Variants in TRIM6 observed in about 807,000 individuals in gnomAD.
TRIM6 encodes tripartite motif containing 6.
A neutral mutation model predicts 51.2 loss-of-function variants in TRIM6; 43 were observed. The observed-to-expected ratio is 0.84, with a 90% CI of 0.66 to 1.08. The LOEUF (loss-of-function observed/expected upper bound fraction) is 1.08, where lower values mean the gene tolerates loss of function less well. Among genes scored for constraint, TRIM6 ranks in the 50% least tolerant of loss-of-function variants. The pLI is 0.00. For missense variants in TRIM6, 669 were observed against 619.0 expected, an observed-to-expected ratio of 1.08 and a Z score of -0.86; for synonymous variants, 215 against 232.4, an observed-to-expected ratio of 0.93 and a Z score of 0.68.
Position 5,605,458 on chromosome 11 carries a change from G to A in TRIM6, c.725G>A (p.Arg242Gln), listed in dbSNP as rs748523660. 1.3e-5 allele frequency: 21 copies of A among 1,614,074 alleles called. No individual in the cohort carries two copies. The highest frequency in any genetic ancestry group is 1.8e-5 in the Non-Finnish European group (21 of 1,180,046). Residue 242 changes from arginine (R) to glutamine (Q), a missense_variant, in exon 4 of 8, where the codon CGA becomes CAA. Transcript: ENST00000380097. ...KLEQEEKKGL[R>Q]IIEEAENDLV... is the part of the protein sequence containing the mutation. Reference sequence around the variant, plus strand: ...GAACAGGAAGAGAAGAAGGGGCTACGAATTATAGAAGAGGCTGAGAATGAT... The same window carrying A: ...GAACAGGAAGAGAAGAAGGGGCTACAAATTATAGAAGAGGCTGAGAATGAT...
chr11:5,599,034 A>T (rs1203053118), intron 1 of TRIM6, among the ~76,000 whole-genome samples: 1 of 152,148 alleles, frequency 6.6e-6, no homozygotes, highest in African/African-American at 2.4e-5. Context: ...TCTCTTTTCT[A>T]GGATTTCACA....
chr11:5,610,917 C>G lies in TRIM6; in HGVS notation c.1126C>G (p.Gln376Glu). 6.2e-7 allele frequency: 1 copy of G among 1,614,190 alleles called. No individual in the cohort carries two copies. Among genetic ancestry groups the G allele is most frequent in the Non-Finnish European group, 8.5e-7 (1 of 1,180,042 alleles). ...TTATGACTGTAGTGTCCTGGGCTCC[C>G]AGCACTTCTCCTCTGGTAAGCATTA... Reference protein sequence around the residue: ...KHYDCSVLGSQHFSSGKHYWE... With the variant: ...KHYDCSVLGSEHFSSGKHYWE... Residue 376 changes from glutamine to glutamate, a missense_variant, in exon 8 of 8, where the codon CAG becomes GAG. Gln to Glu is a conservative substitution (Grantham distance 29). Coordinates refer to ENST00000380097, the MANE Select transcript of TRIM6 (RefSeq NM_001003818.3).
chr11:5,610,339 T>C (rs1848496088), intron 6 of TRIM6, 94 bp downstream of exon 6: 6 of 1,588,414 alleles, frequency 3.8e-6, no homozygotes, highest in Non-Finnish European at 5.2e-6. Context: ...TTGAGCATAG[T>C]GGCAAAGAGG....
Position 5,610,886 on chromosome 11 carries a change from A to G in TRIM6, c.1095A>G (p.Glu365=). The G allele has an allele frequency of 1.2e-6, 2 of 1,614,198 alleles. No homozygotes were observed. The highest frequency in any genetic ancestry group is 1.7e-6 in the Non-Finnish European group (2 of 1,180,036). Residue 365 remains glutamate (E), a synonymous_variant, in exon 8 of 8, where the codon GAA becomes GAG. Coordinates refer to ENST00000380097, the MANE Select transcript of TRIM6 (RefSeq NM_001003818.3). ...AAGTATCTGGACCTTCCTGTCTGGA[A>G]AAGCATTATGACTGTAGTGTCCTGG... ...GAKVSGPSCL[E]KHYDCSVLGS...
At chr11:5,602,209 G>A (rs1452428224) in intron 1 of TRIM6, among the ~76,000 whole-genome samples, 1 of 152,148 alleles carries the variant, frequency 6.6e-6, no homozygotes. Flanking sequence ...GGGAGGCCAA[G>A]GCGGGCGGAT....
At chr11:5,598,163 G>C (rs532394542) in intron 1 of TRIM6, among the ~76,000 whole-genome samples, 1 of 152,110 alleles carries the variant, frequency 6.6e-6, no homozygotes, top group Non-Finnish European at 1.5e-5. Context: ...CTCTCAGCCC[G>C]TCCACACTGC....
chr11:5,610,675 T>C, intron 7 of TRIM6, 102 bp from the exon 8 acceptor site: 1 of 1,569,366 alleles, frequency 6.4e-7, no homozygotes, highest in Non-Finnish European at 8.7e-7. Flanking sequence ...ATCCCCGCCA[T>C]ATAGTTCCAG....
Position 5,601,443 on chromosome 11 carries a change from A to G in TRIM6, c.18-1803A>G, listed in dbSNP as rs185768203. On this transcript the variant is annotated intron_variant, in intron 1 of 7. Coordinates refer to ENST00000380097, the MANE Select transcript of TRIM6 (RefSeq NM_001003818.3). ...TGATTTCTAAATCACAACTGGTTAC[A>G]GAATCATGAGTTGTAAAAATATTAC... Among the ~76,000 whole-genome samples the G allele has an allele frequency of 2.1e-4, 32 of 152,356 alleles. No individual in the cohort carries two copies. In the East Asian group the frequency reaches 5.8e-3, roughly 28 times the overall value.
At position 5,603,244 on chromosome 11, in the gene TRIM6, A is replaced by G; in HGVS notation, c.18-2A>G. ...CCTTTTTTTGTTTGTTCATCTACCT[A>G]GGATTCTACAGGCAGGAAACATCTT... On this transcript the variant is annotated splice_acceptor_variant, in intron 1 of 7. Coordinates refer to ENST00000380097, the MANE Select transcript of TRIM6 (RefSeq NM_001003818.3). LOFTEE classifies it high-confidence loss of function. 9.9e-6 allele frequency: 16 copies of G among 1,612,556 alleles called. No homozygotes were observed. Among genetic ancestry groups the G allele is most frequent in the Non-Finnish European group, 1.4e-5 (16 of 1,179,176 alleles).
chr11:5,611,338 C>T lies in TRIM6; in HGVS notation c.1547C>T (p.Ser516Phe), dbSNP rs145896551. Residue 516 changes from serine (S) to phenylalanine (F), a missense_variant, in exon 8 of 8, where the codon TCT becomes TTT. Transcript: ENST00000380097. Reference sequence around the variant, plus strand: ...CCTATGACCCTGCGTCGTCCAAGCTCTTGAATATTCTTCTGTTCCCACCCA... The same window carrying T: ...CCTATGACCCTGCGTCGTCCAAGCTTTTGAATATTCTTCTGTTCCCACCCA... ...VIPMTLRRPS[S>F] 9.3e-6 allele frequency: 15 copies of T among 1,611,058 alleles called. No individual in the cohort carries two copies. Among genetic ancestry groups the T allele is most frequent in the Non-Finnish European group, 1.3e-5 (15 of 1,177,994 alleles).
At position 5,605,536 on chromosome 11, in the gene TRIM6, G is replaced by A. The variant is rs746249094; in HGVS notation, c.803G>A (p.Arg268Gln). ...LRELISDLER[R>Q]CQGSTMELLQ... ...GAGCTCATCTCGGATCTGGAGCGTC[G>A]ATGTCAGGGGTCAACAATGGAGCTG... The change falls in exon 4 of 8, where the codon CGA becomes CAA. Residue 268 changes from arginine to glutamine, a missense_variant. Physicochemically the swap from Arg to Gln is conservative, Grantham distance 43 (BLOSUM62 1). Coordinates refer to ENST00000380097, the MANE Select transcript of TRIM6 (RefSeq NM_001003818.3). The A allele has an allele frequency of 1.1e-5, 17 of 1,613,732 alleles. No homozygotes were observed. The African/African-American group carries it at 1.1e-4, about 10-fold the overall frequency.
rs372755176 is a variant in TRIM6 at position 5,601,254 on chromosome 11, C to T, written c.18-1992C>T. 3.3e-5 allele frequency among the ~76,000 whole-genome samples: 5 copies of T among 152,208 alleles called. No homozygotes were observed. The South Asian group carries it at 8.3e-4, about 25-fold the overall frequency. On this transcript the variant is annotated intron_variant, in intron 1 of 7. Coordinates refer to ENST00000380097, the MANE Select transcript of TRIM6 (RefSeq NM_001003818.3). ...TTGGTCAAAGTTATGAGTTTGAGGA[C>T]GAAGCTTTGAACTAGCACCCTGGAA...
chr11:5,610,864 T>G lies in TRIM6; in HGVS notation c.1073T>G (p.Val358Gly). 1 of 1,614,188 alleles carries G rather than the reference T, an allele frequency of 6.2e-7. No individual in the cohort carries two copies. Among genetic ancestry groups the G allele is most frequent in the Non-Finnish European group, 8.5e-7 (1 of 1,180,054 alleles). The change falls in exon 8 of 8, where the codon GTA becomes GGA. Residue 358 changes from valine (V) to glycine (G), a missense_variant. Transcript: ENST00000380097. ...RRQVRFVGAKVSGPSCLEKHY... is the reference protein window; with the variant it reads ...RRQVRFVGAKGSGPSCLEKHY... The stretch of plus-strand genomic sequence containing the variant: ...CAAGTGAGGTTTGTGGGAGCTAAAG[T>G]ATCTGGACCTTCCTGTCTGGAAAAG...
At chr11:5,608,071 C>T (rs896400070) in intron 4 of TRIM6, among the ~76,000 whole-genome samples, 5 of 152,316 alleles carry the variant, frequency 3.3e-5, no homozygotes, top group Non-Finnish European at 5.9e-5. Context: ...CTGAGGTTCT[C>T]TAGGCCAGGC....
At chr11:5,609,747 C>G (rs888156696) in intron 5 of TRIM6, among the ~76,000 whole-genome samples, 2 of 152,038 alleles carry the variant, frequency 1.3e-5, no homozygotes, top group Non-Finnish European at 1.5e-5. Context: ...ATGATGAAAC[C>G]CTATCTCTAC....
chr11:5,607,038 C>T (rs1848256220), intron 4 of TRIM6, among the ~76,000 whole-genome samples: 1 of 152,038 alleles, frequency 6.6e-6, no homozygotes, highest in African/African-American at 2.4e-5. Context: ...CCCGTCTCTA[C>T]TAAAAACACA....
rs899533131 is a variant in TRIM6, at chr11:5,611,392, G to A, written c.*50G>A. ...CTGATAAGTACCCTGAGGCTTATCA[G>A]CATGTGATTCTCCCTTCTGATCTTC... On this transcript the variant is annotated 3_prime_UTR_variant, in exon 8 of 8. Transcript: ENST00000380097. The A allele has an allele frequency of 2.9e-6, 4 of 1,369,614 alleles. No individual in the cohort carries two copies. The highest frequency in any genetic ancestry group is 2.9e-5 in the African/African-American group (2 of 68,696). 84.8% of individuals were successfully genotyped at this position (1,369,614 alleles called of 1,614,324 possible).
At position 5,607,047 on chromosome 11, in the gene TRIM6, CA is replaced by C. The variant is rs1265138479; in HGVS notation, c.835-1318del. ...TGAAACCCCGTCTCTACTAAAAACA[CA>C]AAAAAATTAGCCGGGCGTGGTGGCG... On this transcript the variant is annotated intron_variant, in intron 4 of 7. Coordinates refer to ENST00000380097, the MANE Select transcript of TRIM6 (RefSeq NM_001003818.3). Among the ~76,000 whole-genome samples, 10 of 152,014 alleles carry C rather than the reference CA, an allele frequency of 6.6e-5. No individual in the cohort carries two copies. In the East Asian group the frequency reaches 1.4e-3, roughly 21 times the overall value.
At chr11:5,601,848 C>G (rs1847875844) in intron 1 of TRIM6, among the ~76,000 whole-genome samples, 1 of 152,034 alleles carries the variant, frequency 6.6e-6, no homozygotes, top group Non-Finnish European at 1.5e-5. Context: ...TGAGAGGGCT[C>G]TATGTGGAGC....
Sources: gnomAD v4.1 joint callset for allele counts (sites outside exome capture counted in the v4.1 genomes callset) on GRCh38, gnomAD v4.1.1 for gene constraint, MANE v1.5 for transcripts, NCBI Gene and HGNC (gene_info 2026-07-23, HGNC 2026-07-21) for gene names.